Variants in RNASE13 observed in about 807,000 individuals in gnomAD.
RNASE13 encodes the protein ribonuclease A family member 13 (inactive), also known as probable inactive ribonuclease-like protein 13.
For missense variants in RNASE13, 188 were observed against 192.8 expected, an observed-to-expected ratio of 0.98 and a Z score of 0.15; for synonymous variants, 67 against 71.6, an observed-to-expected ratio of 0.94 and a Z score of 0.32.
chr14:21,033,632 A>T lies in RNASE13; in HGVS notation c.*186T>A, dbSNP rs924812142. The T allele has an allele frequency of 1.6e-6, 1 of 607,884 alleles. No individual in the cohort carries two copies. Among genetic ancestry groups the T allele is most frequent in the African/African-American group, 1.8e-5 (1 of 54,114 alleles). 37.7% of individuals were successfully genotyped at this position (607,884 alleles called of 1,614,324 possible). A position where few individuals can be genotyped will look rare whatever the true frequency, so the allele number is the denominator to read the frequency against. ...AAGAGGGGGTAAACAAGCTGGAAAG[A>T]ACCTAGAAGATAGCACCACTTTGCA... On this transcript the variant is annotated 3_prime_UTR_variant, in exon 2 of 2. Transcript: ENST00000382951.
chr14:21,034,386 T>A, intron 1 of RNASE13, 90 bp from the exon 2 acceptor site: 1 of 839,726 alleles, frequency 1.2e-6, no homozygotes, highest in Non-Finnish European at 1.9e-6. Context: ...AACCCAACAG[T>A]ACTTTAGAGA....
chr14:21,033,366 G>C lies in RNASE13; in HGVS notation c.*452C>G. ...GCTAGCCATATCCCCTGAGTAGGTGGGTGAGTGGAGGGAATTATAAGGGAA... is the reference window on the plus strand; with the variant it reads ...GCTAGCCATATCCCCTGAGTAGGTGCGTGAGTGGAGGGAATTATAAGGGAA... On this transcript the variant is annotated 3_prime_UTR_variant, in exon 2 of 2. Coordinates refer to ENST00000382951, the MANE Select transcript of RNASE13 (RefSeq NM_001012264.4). 2 of 274,584 alleles carry C rather than the reference G, an allele frequency of 7.3e-6. No individual in the cohort carries two copies. The highest frequency in any genetic ancestry group is 7.7e-5 in the South Asian group (2 of 25,928). The allele number at this position is 274,584 out of a possible 1,614,324, so 17.0% of individuals were successfully genotyped here.
chr14:21,033,950 G>A lies in RNASE13; in HGVS notation c.339C>T (p.Ser113=). The change falls in exon 2 of 2, where the codon TCC becomes TCT. Residue 113 remains serine (S), a synonymous_variant. Transcript: ENST00000382951. ...TAGTGGGTGGCTGTTGGTGGCTCAG[G>A]GAGCAGACCGTGATGGGGAGGGAAT... ...TQDSLPITVC[S]LSHQQPPTSC... is the part of the protein sequence containing the mutation. 1 of 1,614,014 alleles carries A rather than the reference G, an allele frequency of 6.2e-7. No homozygotes were observed. The highest frequency in any genetic ancestry group is 8.5e-7 in the Non-Finnish European group (1 of 1,179,926).
chr14:21,033,798 G>A lies in RNASE13; in HGVS notation c.*20C>T, dbSNP rs773211177. 2 of 1,468,442 alleles carry A rather than the reference G, an allele frequency of 1.4e-6. No individual in the cohort carries two copies. The highest frequency in any genetic ancestry group is 1.7e-5 in the Admixed American group (1 of 59,846). 91.0% of individuals were successfully genotyped at this position (1,468,442 alleles called of 1,614,324 possible). ...AGACAGCTGGCCTGTGGTGGTAGAGGTTGGGGAGTGGCTCAGGAATTAAAT... is the reference window on the plus strand; with the variant it reads ...AGACAGCTGGCCTGTGGTGGTAGAGATTGGGGAGTGGCTCAGGAATTAAAT... On this transcript the variant is annotated 3_prime_UTR_variant, in exon 2 of 2. Transcript: ENST00000382951.
In RNASE13 at chr14:21,033,063, G is replaced by A. The variant is rs933438610; in HGVS notation, c.*755C>T. The A allele has an allele frequency of 2.2e-6, 1 of 449,790 alleles. No individual in the cohort carries two copies. The highest frequency in any genetic ancestry group is 2.0e-5 in the African/African-American group (1 of 49,630). The allele number at this position is 449,790 out of a possible 1,614,324, so 27.9% of individuals were successfully genotyped here. A position where few individuals can be genotyped will look rare whatever the true frequency, so the allele number is the denominator to read the frequency against. On this transcript the variant is annotated 3_prime_UTR_variant, in exon 2 of 2. Transcript: ENST00000382951. Reference sequence around the variant, plus strand: ...AGCTTCTGGAAGAGAAGGGAAGCAGGAACCTCTGGGGAATGGGTGAGAGAA... The same window carrying A: ...AGCTTCTGGAAGAGAAGGGAAGCAGAAACCTCTGGGGAATGGGTGAGAGAA...
At position 21,033,639 on chromosome 14, in the gene RNASE13, A is replaced by T; in HGVS notation, c.*179T>A. ...GGTAAACAAGCTGGAAAGAACCTAG[A>T]AGATAGCACCACTTTGCATGGTGAT... is the stretch of plus-strand genomic sequence containing the variant. On this transcript the variant is annotated 3_prime_UTR_variant, in exon 2 of 2. Coordinates refer to ENST00000382951, the MANE Select transcript of RNASE13 (RefSeq NM_001012264.4). 1 of 615,372 alleles carries T rather than the reference A, an allele frequency of 1.6e-6. No individual in the cohort carries two copies. The highest frequency in any genetic ancestry group is 2.9e-6 in the Non-Finnish European group (1 of 342,454). 38.1% of individuals were successfully genotyped at this position (615,372 alleles called of 1,614,324 possible). A position where few individuals can be genotyped will look rare whatever the true frequency, so the allele number is the denominator to read the frequency against.
At position 21,033,689 on chromosome 14, in the gene RNASE13, C is replaced by T; in HGVS notation, c.*129G>A. ...TCAAAGCCCTGGACATTTTCGCACC[C>T]ACCTGGTCTCTTGGGAGGGGACCCT... On this transcript the variant is annotated 3_prime_UTR_variant, in exon 2 of 2. Transcript: ENST00000382951. 1 of 719,940 alleles carries T rather than the reference C, an allele frequency of 1.4e-6. No homozygotes were observed. The highest frequency in any genetic ancestry group is 2.5e-5 in the East Asian group (1 of 39,356). The allele number at this position is 719,940 out of a possible 1,614,324, so 44.6% of individuals were successfully genotyped here.
In RNASE13 at chr14:21,033,701, TG is replaced by T; in HGVS notation, c.*116del. On this transcript the variant is annotated 3_prime_UTR_variant, in exon 2 of 2. Transcript: ENST00000382951. ...ACATTTTCGCACCCACCTGGTCTCT[TG>T]GGAGGGGACCCTGCCTGCCTCGTAA... is the stretch of plus-strand genomic sequence containing the variant. 1.3e-6 allele frequency: 1 copy of T among 775,726 alleles called. No individual in the cohort carries two copies. The highest frequency in any genetic ancestry group is 2.3e-6 in the Non-Finnish European group (1 of 434,814). The allele number at this position is 775,726 out of a possible 1,614,324, so 48.1% of individuals were successfully genotyped here.
At position 21,033,790 on chromosome 14, in the gene RNASE13, T is replaced by C; in HGVS notation, c.*28A>G. 7.4e-7 allele frequency: 1 copy of C among 1,349,038 alleles called. No homozygotes were observed. Among genetic ancestry groups the C allele is most frequent in the Non-Finnish European group, 1.1e-6 (1 of 938,228 alleles). The allele number at this position is 1,349,038 out of a possible 1,614,324, so 83.6% of individuals were successfully genotyped here. ...GGAAATGGAGACAGCTGGCCTGTGG[T>C]GGTAGAGGTTGGGGAGTGGCTCAGG... On this transcript the variant is annotated 3_prime_UTR_variant, in exon 2 of 2. Coordinates refer to ENST00000382951, the MANE Select transcript of RNASE13 (RefSeq NM_001012264.4).
Position 21,033,953 on chromosome 14 carries a change from G to A in RNASE13, c.336C>T (p.Cys112=). The A allele has an allele frequency of 6.2e-7, 1 of 1,614,040 alleles. No individual in the cohort carries two copies. The highest frequency in any genetic ancestry group is 8.5e-7 in the Non-Finnish European group (1 of 1,179,928). Reference sequence around the variant, plus strand: ...TGGGTGGCTGTTGGTGGCTCAGGGAGCAGACCGTGATGGGGAGGGAATCCT... The same window carrying A: ...TGGGTGGCTGTTGGTGGCTCAGGGAACAGACCGTGATGGGGAGGGAATCCT... ...LTQDSLPITV[C]SLSHQQPPTS... Residue 112 remains cysteine, a synonymous_variant, in exon 2 of 2, where the codon TGC becomes TGT. Transcript: ENST00000382951.
Position 21,033,653 on chromosome 14 carries a change from T to C in RNASE13, c.*165A>G. 1 of 630,504 alleles carries C rather than the reference T, an allele frequency of 1.6e-6. No homozygotes were observed. The highest frequency in any genetic ancestry group is 2.7e-5 in the East Asian group (1 of 36,786). 39.1% of individuals were successfully genotyped at this position (630,504 alleles called of 1,614,324 possible). On this transcript the variant is annotated 3_prime_UTR_variant, in exon 2 of 2. Coordinates refer to ENST00000382951, the MANE Select transcript of RNASE13 (RefSeq NM_001012264.4). ...AAAGAACCTAGAAGATAGCACCACT[T>C]TGCATGGTGATCAAAGCCCTGGACA...
In RNASE13 at chr14:21,033,597, G is replaced by A; in HGVS notation, c.*221C>T. 2 of 586,098 alleles carry A rather than the reference G, an allele frequency of 3.4e-6. No homozygotes were observed. Among genetic ancestry groups the A allele is most frequent in the Non-Finnish European group, 6.1e-6 (2 of 326,854 alleles). The allele number at this position is 586,098 out of a possible 1,614,324, so 36.3% of individuals were successfully genotyped here. A position where few individuals can be genotyped will look rare whatever the true frequency, so the allele number is the denominator to read the frequency against. On this transcript the variant is annotated 3_prime_UTR_variant, in exon 2 of 2. Coordinates refer to ENST00000382951, the MANE Select transcript of RNASE13 (RefSeq NM_001012264.4). ...TCTGGGAGAGGAAGGATGATGAGGA[G>A]GTGGGGGCGAAGAGGGGGTAAACAA...
At position 21,033,018 on chromosome 14, in the gene RNASE13, A is replaced by G; in HGVS notation, c.*800T>C. 1 of 454,528 alleles carries G rather than the reference A, an allele frequency of 2.2e-6. No homozygotes were observed. The highest frequency in any genetic ancestry group is 1.6e-5 in the South Asian group (1 of 64,254). 28.2% of individuals were successfully genotyped at this position (454,528 alleles called of 1,614,324 possible). ...CTGCCTGGTCAGGGGCAGACTCTGG[A>G]GTCTGGGGGATTTGGGAGGAGCTTC... is the stretch of plus-strand genomic sequence containing the variant. On this transcript the variant is annotated 3_prime_UTR_variant, in exon 2 of 2. Coordinates refer to ENST00000382951, the MANE Select transcript of RNASE13 (RefSeq NM_001012264.4).
At position 21,032,972 on chromosome 14, in the gene RNASE13, G is replaced by A. The variant is rs752984370; in HGVS notation, c.*846C>T. 1.2e-4 allele frequency: 57 copies of A among 456,060 alleles called. No homozygotes were observed. The Admixed American group carries it at 1.3e-3, about 11-fold the overall frequency. 28.3% of individuals were successfully genotyped at this position (456,060 alleles called of 1,614,324 possible). On this transcript the variant is annotated 3_prime_UTR_variant, in exon 2 of 2. Transcript: ENST00000382951. ...GGTTTTAGAAATTTATGTTCGATTA[G>A]AGCCGGGCCTGCCTCATTCGCTGCC...
Position 21,033,464 on chromosome 14 carries a change from G to A in RNASE13, c.*354C>T. 3.0e-6 allele frequency: 1 copy of A among 330,330 alleles called. No individual in the cohort carries two copies. The highest frequency in any genetic ancestry group is 4.5e-5 in the Admixed American group (1 of 22,008). 20.5% of individuals were successfully genotyped at this position (330,330 alleles called of 1,614,324 possible). The stretch of plus-strand genomic sequence containing the variant: ...CTCGGAGCTGGTGCCTGTTGCCATG[G>A]TGTGAGCTGAGGCCCTGGGCCTCCA... On this transcript the variant is annotated 3_prime_UTR_variant, in exon 2 of 2. Transcript: ENST00000382951.
Position 21,033,260 on chromosome 14 carries a change from C to T in RNASE13, c.*558G>A. ...TATGAAGGGAGAAACCATGATTTCA[C>T]AGAGAGAAGCAGGCTGGAAACTGGG... On this transcript the variant is annotated 3_prime_UTR_variant, in exon 2 of 2. Coordinates refer to ENST00000382951, the MANE Select transcript of RNASE13 (RefSeq NM_001012264.4). The T allele has an allele frequency of 3.2e-6, 1 of 314,522 alleles. No homozygotes were observed. Among genetic ancestry groups the T allele is most frequent in the Non-Finnish European group, 6.1e-6 (1 of 163,490 alleles). The allele number at this position is 314,522 out of a possible 1,614,324, so 19.5% of individuals were successfully genotyped here.
In RNASE13 at chr14:21,034,033, A is replaced by T; in HGVS notation, c.256T>A (p.Cys86Ser). ...HAPWKAIQKF[C>S]KYSDSFCENY... ...TCACAGAAGCTGTCACTATACTTGC[A>T]GAACTTCTGGATGGCCTTCCAAGGG... The change falls in exon 2 of 2, where the codon TGC becomes AGC. Residue 86 changes from cysteine (C) to serine (S), a missense_variant. Physicochemically the swap from Cys to Ser is moderately radical, Grantham distance 112. Transcript: ENST00000382951. 1 of 1,614,202 alleles carries T rather than the reference A, an allele frequency of 6.2e-7. No individual in the cohort carries two copies.
rs1884430036 is a variant in RNASE13, at chr14:21,033,923, G to A, written c.366C>T (p.Ser122=). ...CSLSHQQPPT[S]CYYNSTLTNQ... is the part of the protein sequence containing the mutation. The stretch of plus-strand genomic sequence containing the variant: ...TGGTTAGGGTGCTATTGTAGTAGCA[G>A]CTAGTGGGTGGCTGTTGGTGGCTCA... The change falls in exon 2 of 2, where the codon AGC becomes AGT. Residue 122 remains serine (S), a synonymous_variant. Coordinates refer to ENST00000382951, the MANE Select transcript of RNASE13 (RefSeq NM_001012264.4). 6.2e-7 allele frequency: 1 copy of A among 1,613,778 alleles called. No homozygotes were observed. The highest frequency in any genetic ancestry group is 1.1e-5 in the South Asian group (1 of 91,080).
Position 21,033,940 on chromosome 14 carries a change from G to T in RNASE13, c.349C>A (p.Gln117Lys). The change falls in exon 2 of 2, where the codon CAA becomes AAA. Residue 117 changes from glutamine to lysine, a missense_variant. Coordinates refer to ENST00000382951, the MANE Select transcript of RNASE13 (RefSeq NM_001012264.4). ...TAGTAGCAGCTAGTGGGTGGCTGTT[G>T]GTGGCTCAGGGAGCAGACCGTGATG... ...LPITVCSLSH[Q>K]QPPTSCYYNS... 3 of 1,613,990 alleles carry T rather than the reference G, an allele frequency of 1.9e-6. No homozygotes were observed. The highest frequency in any genetic ancestry group is 1.7e-6 in the Non-Finnish European group (2 of 1,179,904).
Sources: allele counts gnomAD v4.1 joint callset, GRCh38; gene constraint gnomAD v4.1.1; transcripts MANE v1.5; gene names NCBI Gene and HGNC (gene_info 2026-07-23, HGNC 2026-07-21).